Variants in TACC2 observed in about 807,000 individuals in gnomAD.
The protein encoded by TACC2 is transforming acidic coiled-coil containing protein 2.
In TACC2, 137 loss-of-function variants were observed where a neutral mutation model predicts 227.3. The ratio of observed to expected loss-of-function variants is 0.60; its 90% CI spans 0.52 to 0.69. TACC2 has a LOEUF of 0.69. Ranked by LOEUF, TACC2 falls within the 30% of genes least tolerant of loss-of-function variation. The pLI is 0.00. For synonymous variants in TACC2, 1,523 were observed against 1,487.5 expected (o/e 1.02, Z -0.55); for missense variants, 3,470 against 3,694.4 (o/e 0.94, Z 1.57).
intron 1 of TACC2, among the ~76,000 whole-genome samples, chr10:121,992,585 G>A (rs1413435386): frequency 6.6e-6 from 1 of 152,138 alleles, no homozygotes; most frequent in Non-Finnish European, 1.5e-5. Flanking sequence ...GGTGGAGTGT[G>A]GGATCATTCT....
Position 122,083,912 on chromosome 10 carries a change from A to T in TACC2, c.1412A>T (p.Gln471Leu). 1.2e-6 allele frequency: 2 copies of T among 1,614,136 alleles called. No homozygotes were observed. Among genetic ancestry groups the T allele is most frequent in the Non-Finnish European group, 1.7e-6 (2 of 1,180,004 alleles). The change falls in exon 4 of 23, where the codon CAG becomes CTG. Residue 471 changes from glutamine (Q) to leucine (L), a missense_variant. Transcript: ENST00000369005. ...VDAGLVGLER[Q>L]VSDLGSKGEH... ...GCAGGGTTGGTGGGACTGGAGAGGC[A>T]GGTGTCAGATCTTGGAAGCAAGGGA...
At position 122,150,477 on chromosome 10, in the gene TACC2, G is replaced by A. The variant is rs2091922949; in HGVS notation, c.5834+6771G>A. Among the ~76,000 whole-genome samples, 1 of 152,218 alleles carries A rather than the reference G, an allele frequency of 6.6e-6. No homozygotes were observed. The highest frequency in any genetic ancestry group is 1.5e-5 in the Non-Finnish European group (1 of 68,040). ...CCTCGGCTTCCACTTGATGGTTTTA[G>A]GTGCTTGCCCTGCGGGAGGCTGCGT... On this transcript the variant is annotated intron_variant, in intron 7 of 22. Transcript: ENST00000369005. This position sits in a 1 kb window ranked among gnomAD's most constrained non-coding sequence, Gnocchi z 4.0.
At chr10:122,105,952 G>C (rs879554151) in intron 5 of TACC2, among the ~76,000 whole-genome samples, 36,992 of 147,380 alleles carry the variant, frequency 0.25, 5,041 homozygotes, top group Non-Finnish European at 0.31. Flanking sequence ...CTCTGTGTGT[G>C]TGTGTGTGTG....
intron 1 of TACC2, among the ~76,000 whole-genome samples, chr10:122,012,561 C>T (rs1470092878): frequency 2.0e-5 from 3 of 152,004 alleles, no homozygotes; most frequent in Non-Finnish European, 4.4e-5. Context: ...GCCAAACCTC[C>T]CAGTTATTTT....
intron 1 of TACC2, among the ~76,000 whole-genome samples, chr10:122,017,475 A>G (rs955827217): frequency 3.3e-5 from 5 of 150,694 alleles, no homozygotes; most frequent in Admixed American, 6.6e-5. Flanking sequence ...GCCATTCCCA[A>G]TTGGCTCATT....
chr10:122,012,159 T>C (rs940485837), intron 1 of TACC2, among the ~76,000 whole-genome samples: 9 of 152,010 alleles, frequency 5.9e-5, no homozygotes, highest in Admixed American at 1.3e-4. Context: ...CGGTAGCTCA[T>C]GCCTGTAATC....
intron 6 of TACC2, among the ~76,000 whole-genome samples, chr10:122,140,781 C>T (rs72840840): frequency 0.044 from 6,766 of 152,294 alleles, 192 homozygotes; most frequent in Non-Finnish European, 0.069. Context: ...AGCTGGCTGC[C>T]GGCTGCCCCT....
At chr10:121,998,517 T>C (rs1420930865) in intron 1 of TACC2, among the ~76,000 whole-genome samples, 2 of 152,160 alleles carry the variant, frequency 1.3e-5, no homozygotes, top group African/African-American at 4.8e-5. Flanking sequence ...ATGTCATGGA[T>C]AGCAGGAGCA....
At chr10:122,004,397 CAA>C (rs140584119) in intron 1 of TACC2, among the ~76,000 whole-genome samples, 44 of 104,176 alleles carry the variant, frequency 4.2e-4, no homozygotes, top group African/African-American at 1.6e-3. Flanking sequence ...GACTCTGTCT[CAA>C]AAAAAAAAAA....
At chr10:122,151,422 C>T (rs142241360) in intron 7 of TACC2, among the ~76,000 whole-genome samples, 2,114 of 151,914 alleles carry the variant, frequency 0.014, 26 homozygotes, top group Middle Eastern at 0.017. Context: ...TGGGGTGTGG[C>T]GAGGCCCAGC....
chr10:122,193,247 TG>T (rs1158533835), intron 7 of TACC2, among the ~76,000 whole-genome samples: 2 of 152,262 alleles, frequency 1.3e-5, no homozygotes, highest in East Asian at 1.9e-4. Flanking sequence ...CCAAGGTCCT[TG>T]GGGGGTGGAG....
Position 122,132,690 on chromosome 10 carries a change from C to G in TACC2, c.5655C>G (p.His1885Gln), listed in dbSNP as rs757804259. The stretch of plus-strand genomic sequence containing the variant: ...CAACCTTAGCTGCCTCTTCCTACCA[C>G]GGTGATGTTGTTGGCCAGGTCTCTA... ...ESPTLAASSY[H>Q]GDVVGQVSTD... is the part of the protein sequence containing the mutation. The change falls in exon 6 of 23, where the codon CAC becomes CAG. Residue 1885 changes from histidine to glutamine, a missense_variant. Physicochemically the swap from His to Gln is conservative, Grantham distance 24 (BLOSUM62 0). Transcript: ENST00000369005. 1.2e-6 allele frequency: 2 copies of G among 1,614,182 alleles called. No homozygotes were observed. Among genetic ancestry groups the G allele is most frequent in the East Asian group, 2.2e-5 (1 of 44,880 alleles).
At chr10:122,224,250 G>A (rs931236443) in intron 11 of TACC2, among the ~76,000 whole-genome samples, 3 of 152,150 alleles carry the variant, frequency 2.0e-5, no homozygotes, top group African/African-American at 4.8e-5. Context: ...GAACAATATC[G>A]TCCTTCCCTC....
At chr10:122,119,241 A>G (rs1182715255) in intron 5 of TACC2, among the ~76,000 whole-genome samples, 20 of 152,028 alleles carry the variant, frequency 1.3e-4, no homozygotes. Flanking sequence ...ATTTATCTCC[A>G]TTTTACAGGT....
At position 122,211,716 on chromosome 10, in the gene TACC2, CA is replaced by C. The variant is rs1438843282; in HGVS notation, c.7283+9del. ...GAAGACGCCCCTAAAGACGTAAGTT[CA>C]GGGGTGGAGGTGGTAAGGATCAGAG... On this transcript the variant is annotated intron_variant, in intron 9 of 22. Coordinates refer to ENST00000369005, the MANE Select transcript of TACC2 (RefSeq NM_206862.4). 6.5e-7 allele frequency: 1 copy of C among 1,536,036 alleles called. No individual in the cohort carries two copies. The highest frequency in any genetic ancestry group is 8.7e-7 in the Non-Finnish European group (1 of 1,147,454).
At position 122,084,353 on chromosome 10, in the gene TACC2, C is replaced by A. The variant is rs768651010; in HGVS notation, c.1853C>A (p.Pro618Gln). 1.2e-6 allele frequency: 2 copies of A among 1,613,584 alleles called. No individual in the cohort carries two copies. Residue 618 changes from proline (P) to glutamine (Q), a missense_variant, in exon 4 of 23, where the codon CCA (proline) becomes CAA (glutamine). Pro to Gln is a moderately conservative substitution (Grantham distance 76). Around this residue, in one of 10 missense-constraint regions of TACC2, gnomAD observed 1,924 missense variants for 1,978.3 expected, o/e 0.97. Coordinates refer to ENST00000369005, the MANE Select transcript of TACC2 (RefSeq NM_206862.4). Reference protein sequence around the residue: ...PEVGKDELSKPSSDAESRDHP... With the variant: ...PEVGKDELSKQSSDAESRDHP... ...GTAGGCAAAGATGAGCTTTCAAAGC[C>A]AAGCAGTGATGCAGAGAGCAGAGAC...
At chr10:122,119,206 C>CT (rs1202776389) in intron 5 of TACC2, among the ~76,000 whole-genome samples, 8 of 152,136 alleles carry the variant, frequency 5.3e-5, no homozygotes, top group Non-Finnish European at 1.0e-4. Context: ...CCTCTTATTT[C>CT]TTTTAACAGT....
chr10:122,152,039 TG>T (rs1263131888), intron 7 of TACC2, among the ~76,000 whole-genome samples: 1 of 152,166 alleles, frequency 6.6e-6, no homozygotes, highest in Non-Finnish European at 1.5e-5. Context: ...TGCCCAAGGC[TG>T]GGGCCCAGGG....
intron 2 of TACC2, among the ~76,000 whole-genome samples, chr10:122,032,341 C>T (rs1405130344): frequency 6.6e-6 from 1 of 152,158 alleles, no homozygotes; most frequent in Non-Finnish European, 1.5e-5. Context: ...TCCCAGTGAG[C>T]ACACTCCCCG....
Sources: allele counts gnomAD v4.1 joint callset (sites outside exome capture counted in the v4.1 genomes callset), GRCh38; gene constraint gnomAD v4.1.1; regional missense constraint gnomAD v4.1.1; non-coding constraint Gnocchi (gnomAD v3.1); transcripts MANE v1.5; gene names NCBI Gene and HGNC (gene_info 2026-07-23, HGNC 2026-07-21).